CACNA1C: variants seen among roughly 807,000 people sequenced by gnomAD.
The protein encoded by CACNA1C is voltage-dependent L-type calcium channel subunit alpha-1C.
Under a neutral mutation model 229.0 loss-of-function variants are expected in CACNA1C, and 30 were observed. The ratio of observed to expected loss-of-function variants is 0.13; its 90% CI spans 0.10 to 0.18. The LOEUF is 0.18. Among genes scored for constraint, CACNA1C ranks in the 10% least tolerant of loss-of-function variants. The pLI, the probability that CACNA1C is intolerant of heterozygous loss-of-function variation, is 1.00. For missense variants in CACNA1C, 1,658 were observed against 2,845.0 expected, an observed-to-expected ratio of 0.58 and a Z score of 9.49; for synonymous variants, 1,114 against 1,132.5, an observed-to-expected ratio of 0.98 and a Z score of 0.33.
At chr12:2,338,143 AACTTTAG>A (rs1197943297) in intron 3 of CACNA1C, among the ~76,000 whole-genome samples, 1 of 152,002 alleles carries the variant, frequency 6.6e-6, no homozygotes, top group African/African-American at 2.4e-5. Flanking sequence ...ATGCCACGCC[AACTTTAG>A]ACCCCAGTGC....
intron 9 of CACNA1C, among the ~76,000 whole-genome samples, chr12:2,514,333 A>C (rs982875274): frequency 3.9e-5 from 6 of 152,248 alleles, no homozygotes; most frequent in African/African-American, 1.4e-4. Context: ...AACGCTGCTC[A>C]AGGAGCAAAT....
At chr12:2,172,058 A>G (rs189611924) in intron 3 of CACNA1C, among the ~76,000 whole-genome samples, 3 of 152,320 alleles carry the variant, frequency 2.0e-5, no homozygotes, top group Admixed American at 2.0e-4. Flanking sequence ...TGGACCGTGG[A>G]CAATAAATAA....
chr12:2,564,712 C>T (rs1025933714), intron 11 of CACNA1C, among the ~76,000 whole-genome samples: 19 of 152,270 alleles, frequency 1.2e-4, no homozygotes, highest in Non-Finnish European at 2.6e-4. Flanking sequence ...TCTGCACATC[C>T]GCTCATCTCA....
chr12:2,071,569 T>C (rs2061359539), intron 1 of CACNA1C, among the ~76,000 whole-genome samples: 1 of 152,158 alleles, frequency 6.6e-6, no homozygotes, highest in Non-Finnish European at 1.5e-5. Context: ...TCACTCTATT[T>C]TGTTCCTCTG....
At chr12:2,061,713 G>A (rs1006972105) in intron 1 of CACNA1C, among the ~76,000 whole-genome samples, 1 of 152,166 alleles carries the variant, frequency 6.6e-6, no homozygotes, top group Admixed American at 6.5e-5. Flanking sequence ...GTCCTTTCAT[G>A]GCCTGAAAAT....
In CACNA1C at chr12:2,607,591, C is replaced by CT. The variant is rs553896293; in HGVS notation, c.3356+462dup. On this transcript the variant is annotated intron_variant, in intron 26 of 46. Coordinates refer to ENST00000399655, the MANE Select transcript of CACNA1C (RefSeq NM_000719.7). ...CCGGTCTCCTTAGAAAAAGCCTTGC[C>CT]TGTATTTACAGTGGAAAGTAGGAAA... is the stretch of plus-strand genomic sequence containing the variant. 1.1e-4 allele frequency among the ~76,000 whole-genome samples: 16 copies of CT among 152,346 alleles called. No individual in the cohort carries two copies. In the East Asian group the frequency reaches 2.9e-3, roughly 28 times the overall value.
At chr12:2,178,926 G>A (rs1296458276) in intron 3 of CACNA1C, among the ~76,000 whole-genome samples, 2 of 152,106 alleles carry the variant, frequency 1.3e-5, no homozygotes, top group African/African-American at 4.8e-5. Flanking sequence ...GCTAGTTGAG[G>A]TGACAGGCGC....
intron 3 of CACNA1C, among the ~76,000 whole-genome samples, chr12:2,236,631 C>T (rs969497593): frequency 2.0e-5 from 3 of 152,076 alleles, no homozygotes; most frequent in Admixed American, 2.0e-4. Flanking sequence ...TTCTCAGTTA[C>T]CATTATATGC....
rs2095443839 is a variant in CACNA1C at position 2,154,381 on chromosome 12, T to A, written c.477+33951T>A. ...GGACACCACCTCCAATGCACAGAGCTGCTTCCTTCCCGCACACACGGAATC... is the reference window on the plus strand; with the variant it reads ...GGACACCACCTCCAATGCACAGAGCAGCTTCCTTCCCGCACACACGGAATC... On this transcript the variant is annotated intron_variant, in intron 3 of 46. Transcript: ENST00000399655. Among the ~76,000 whole-genome samples the A allele has an allele frequency of 2.6e-5, 4 of 152,220 alleles. No individual in the cohort carries two copies. In the South Asian group the frequency reaches 8.3e-4, roughly 31 times the overall value.
intron 39 of CACNA1C, among the ~76,000 whole-genome samples, chr12:2,675,024 C>T (rs973772670): frequency 1.3e-5 from 2 of 152,158 alleles, no homozygotes; most frequent in African/African-American, 4.8e-5. Flanking sequence ...CTCTAAGGCC[C>T]TCAAACGAGA....
intron 3 of CACNA1C, among the ~76,000 whole-genome samples, chr12:2,167,635 C>T (rs940881922): frequency 6.6e-5 from 10 of 152,184 alleles, no homozygotes; most frequent in Non-Finnish European, 1.5e-5. Flanking sequence ...ATGTATAGCT[C>T]AGGAGTCAGC....
At chr12:2,606,125 C>T (rs2075224490) in intron 24 of CACNA1C, among the ~76,000 whole-genome samples, 1 of 152,228 alleles carries the variant, frequency 6.6e-6, no homozygotes, top group South Asian at 2.1e-4. Flanking sequence ...CTATTATCAA[C>T]AGCATCACGT....
intron 29 of CACNA1C, among the ~76,000 whole-genome samples, chr12:2,627,594 C>T (rs2087577684): frequency 2.0e-5 from 3 of 152,144 alleles, no homozygotes; most frequent in Admixed American, 6.5e-5. Context: ...CACCTGTGCT[C>T]TCTCCAGTGC....
At chr12:2,557,891 G>A (rs777898216) in intron 11 of CACNA1C, among the ~76,000 whole-genome samples, 4 of 152,196 alleles carry the variant, frequency 2.6e-5, no homozygotes, top group African/African-American at 7.2e-5. Flanking sequence ...AGTGGTGAAC[G>A]TCCATACATG....
intron 18 of CACNA1C, 135 bp from the exon 19 acceptor site, chr12:2,593,078 C>T (rs371643499): frequency 1.1e-6 from 1 of 940,472 alleles, no homozygotes; most frequent in Non-Finnish European, 1.6e-6. Flanking sequence ...CACAGGGAGA[C>T]AGCAGAATGT....
intron 3 of CACNA1C, among the ~76,000 whole-genome samples, chr12:2,400,110 T>C (rs11837030): frequency 0.014 from 2,168 of 152,288 alleles, 56 homozygotes; most frequent in African/African-American, 0.047. Context: ...CTTTGCATTA[T>C]CTCATTTATT....
At chr12:2,078,988 A>C (rs1002504207) in intron 1 of CACNA1C, among the ~76,000 whole-genome samples, 3 of 152,082 alleles carry the variant, frequency 2.0e-5, no homozygotes, top group Non-Finnish European at 2.9e-5. Flanking sequence ...AGGGACATGG[A>C]TGAAGCTGGA....
chr12:2,125,311 G>C (rs575364121), intron 3 of CACNA1C, among the ~76,000 whole-genome samples: 2 of 152,078 alleles, frequency 1.3e-5, no homozygotes, highest in Non-Finnish European at 2.9e-5. Flanking sequence ...CCAAAAGTAC[G>C]AGAAGAGGAT....
chr12:2,407,338 G>A lies in CACNA1C; in HGVS notation c.478-41638G>A, dbSNP rs372973724. On this transcript the variant is annotated intron_variant, in intron 3 of 46. Transcript: ENST00000399655. Reference sequence around the variant, plus strand: ...AAGGAACGTCCTTTTGATAATAGCCGTCCTGATAAGTGTGCAGTGGACATC... The same window carrying A: ...AAGGAACGTCCTTTTGATAATAGCCATCCTGATAAGTGTGCAGTGGACATC... 8.3e-4 allele frequency among the ~76,000 whole-genome samples: 114 copies of A among 138,138 alleles called. 1 individual carries two copies. In the East Asian group the frequency reaches 0.012, roughly 15 times the overall value. 90.6% of individuals were successfully genotyped at this position (138,138 alleles called of 152,430 possible).
Sources: allele counts gnomAD v4.1 joint callset (sites outside exome capture counted in the v4.1 genomes callset), GRCh38; gene constraint gnomAD v4.1.1; transcripts MANE v1.5; gene names NCBI Gene and HGNC (gene_info 2026-07-23, HGNC 2026-07-21).